The following CALD1 variants were observed in gnomAD, a reference collection of about 807,000 sequenced individuals.
CALD1 encodes caldesmon 1, also known as caldesmon.
CALD1 carries 33 observed loss-of-function variants against 99.9 expected under a neutral mutation model. The ratio of observed to expected loss-of-function variants is 0.33; its 90% CI spans 0.25 to 0.44. The LOEUF (loss-of-function observed/expected upper bound fraction) is 0.44, where lower values mean the gene tolerates loss of function less well. Among genes scored for constraint, CALD1 ranks in the 20% least tolerant of loss-of-function variants. The pLI is 1.00. For missense variants in CALD1, 861 were observed against 962.1 expected, an observed-to-expected ratio of 0.89 and a Z score of 1.39; for synonymous variants, 310 against 325.0, an observed-to-expected ratio of 0.95 and a Z score of 0.50.
At chr7:134,780,122 C>T (rs954848532) in intron 1 of CALD1, among the ~76,000 whole-genome samples, 3 of 152,216 alleles carry the variant, frequency 2.0e-5, no homozygotes, top group African/African-American at 7.2e-5. Context: ...ACAGTCTCTT[C>T]TGCATCTTTT....
At chr7:134,766,277 A>T (rs1796826248) in intron 1 of CALD1, among the ~76,000 whole-genome samples, 1 of 143,318 alleles carries the variant, frequency 7.0e-6, no homozygotes, top group Non-Finnish European at 1.5e-5. Flanking sequence ...TCAGCCTCCC[A>T]TGTAGCTGGG....
chr7:134,739,619 T>C (rs1796576349), upstream of CALD1, among the ~76,000 whole-genome samples: 1 of 152,144 alleles, frequency 6.6e-6, no homozygotes, highest in Non-Finnish European at 1.5e-5. Context: ...ATCTGTCTCC[T>C]TTCCCCATTA....
intron 1 of CALD1, among the ~76,000 whole-genome samples, chr7:134,796,442 A>C (rs947650813): frequency 5.9e-5 from 9 of 152,184 alleles, no homozygotes; most frequent in Admixed American, 5.9e-4. Flanking sequence ...GGGAAGATAG[A>C]AATCATATAT....
At chr7:134,885,591 CT>C (rs1168578759) in intron 3 of CALD1, among the ~76,000 whole-genome samples, 1 of 152,172 alleles carries the variant, frequency 6.6e-6, no homozygotes, top group Admixed American at 6.5e-5. Flanking sequence ...TATTTAGACA[CT>C]TTGAACAAGA....
At chr7:134,717,843 G>T in the CALD1 span, among the ~76,000 whole-genome samples, 6 of 152,112 alleles carry the variant, frequency 3.9e-5, no homozygotes, top group African/African-American at 1.4e-4. Context: ...AAATGACTAA[G>T]AAAACATAAA....
chr7:134,760,492 C>T (rs1176189772), intron 1 of CALD1, among the ~76,000 whole-genome samples: 1 of 152,188 alleles, frequency 6.6e-6, no homozygotes, highest in African/African-American at 2.4e-5. Flanking sequence ...TATTTTATAT[C>T]ATAACTTGCA....
chr7:134,963,984 G>A (rs955353882), intron 13 of CALD1, among the ~76,000 whole-genome samples: 4 of 152,140 alleles, frequency 2.6e-5, no homozygotes, highest in African/African-American at 7.2e-5. Flanking sequence ...AGATTATGAG[G>A]TCAGGAGATC....
At chr7:134,831,972 G>C (rs148485576) in intron 1 of CALD1, among the ~76,000 whole-genome samples, 1 of 152,248 alleles carries the variant, frequency 6.6e-6, no homozygotes, top group Non-Finnish European at 1.5e-5. Flanking sequence ...GTGTTAAAGA[G>C]AGAAGGTCGA....
At chr7:134,899,828 G>A (rs1802860133) in intron 3 of CALD1, 1 of 151,804 alleles carries the variant, frequency 6.6e-6, no homozygotes, top group African/African-American at 2.4e-5. Context: ...ATTTTTTTTT[G>A]TAGAGACGAG....
intron 1 of CALD1, among the ~76,000 whole-genome samples, chr7:134,798,293 G>A (rs376927130): frequency 2.4e-4 from 37 of 152,320 alleles, no homozygotes; most frequent in African/African-American, 8.4e-4. Context: ...GGCCTCTTCT[G>A]TTCTCTGGTT....
intron 1 of CALD1, among the ~76,000 whole-genome samples, chr7:134,772,511 T>C (rs1204841807): frequency 1.3e-5 from 2 of 152,234 alleles, no homozygotes; most frequent in African/African-American, 4.8e-5. Flanking sequence ...AAACGAAGGT[T>C]TGGCTCTCCT....
chr7:134,917,626 A>G (rs1804312548), intron 3 of CALD1, among the ~76,000 whole-genome samples: 1 of 152,206 alleles, frequency 6.6e-6, no homozygotes, highest in Non-Finnish European at 1.5e-5. Context: ...CTGGGATTAC[A>G]GGCATGAGCC....
chr7:134,907,218 G>C (rs1348695940), intron 3 of CALD1, among the ~76,000 whole-genome samples: 1 of 152,094 alleles, frequency 6.6e-6, no homozygotes, highest in Non-Finnish European at 1.5e-5. Flanking sequence ...TCATAACAGG[G>C]AGATGTCTCA....
intron 2 of CALD1, among the ~76,000 whole-genome samples, chr7:134,844,624 G>A (rs942972014): frequency 6.6e-6 from 1 of 152,190 alleles, no homozygotes. Flanking sequence ...CCCCATGCAA[G>A]TTTTCTCAGG....
At chr7:134,764,489 A>G (rs1311601986) in intron 1 of CALD1, among the ~76,000 whole-genome samples, 3 of 152,250 alleles carry the variant, frequency 2.0e-5, no homozygotes, top group Admixed American at 2.0e-4. Context: ...AGGGCTTAAT[A>G]GAGTAACACA....
Position 134,934,047 on chromosome 7 carries a change from T to A in CALD1, c.1278T>A (p.Asp426Glu), listed in dbSNP as rs1351603406. 1 of 1,612,174 alleles carries A rather than the reference T, an allele frequency of 6.2e-7. No homozygotes were observed. The highest frequency in any genetic ancestry group is 2.2e-5 in the East Asian group (1 of 44,870). The change falls in exon 5 of 15, where the codon GAT becomes GAA. Residue 426 changes from aspartate (D) to glutamate (E), a missense_variant. This residue lies in a region of CALD1 where 293 missense variants were observed against 262.7 expected (regional missense o/e 1.12). Transcript: ENST00000361675. ...KWVNEKKAQE[D>E]KLQTAVLKKQ... is the part of the protein sequence containing the mutation. ...TAAATGAAAAGAAAGCACAAGAAGA[T>A]AAACTTCAGACAGCTGTCCTAAAGA...
At chr7:134,711,718 GTGTGTGTGTCTCTC>G in the CALD1 span, among the ~76,000 whole-genome samples, 1 of 100,254 alleles carries the variant, frequency 1.0e-5, no homozygotes, top group African/African-American at 3.1e-5. Context: ...GTGTGTGTGT[GTGTGTGTGTCTCTC>G]TCTCTGTCTC....
chr7:134,947,973 T>A (rs1807034342), intron 8 of CALD1: 1 of 549,720 alleles, frequency 1.8e-6, no homozygotes, highest in Non-Finnish European at 3.1e-6. Context: ...TAATCCCCAT[T>A]TTACAGATGA....
At chr7:134,770,491 C>T (rs1796868223) in intron 1 of CALD1, among the ~76,000 whole-genome samples, 1 of 152,106 alleles carries the variant, frequency 6.6e-6, no homozygotes, top group Admixed American at 6.5e-5. Flanking sequence ...GGGTCACTGG[C>T]AAGCCTCAGC....
Sources: gnomAD v4.1 joint callset for allele counts (sites outside exome capture counted in the v4.1 genomes callset) on GRCh38, gnomAD v4.1.1 for gene constraint, gnomAD v4.1.1 regional missense constraint, MANE v1.5 for transcripts, NCBI Gene and HGNC (gene_info 2026-07-23, HGNC 2026-07-21) for gene names.